APOO: variants seen among roughly 807,000 people sequenced by gnomAD.
APOO encodes the protein apolipoprotein O.
APOO carries 11 observed loss-of-function variants against 23.1 expected under a neutral mutation model. The ratio of observed to expected loss-of-function variants is 0.48; its 90% CI spans 0.30 to 0.79. The LOEUF is 0.79. Ranked by LOEUF, APOO falls within the 30% of genes least tolerant of loss-of-function variation. The probability of loss-of-function intolerance (pLI) is 0.07; values close to 1 mark genes in which losing one functional copy is unlikely to be tolerated. For synonymous variants in APOO, 59 were observed against 54.8 expected (o/e 1.08, Z -0.34); for missense variants, 160 against 142.7 (o/e 1.12, Z -0.62).
chrX:23,843,260 G>A (rs1393759740), intron 7 of APOO, among the ~76,000 whole-genome samples: 1 of 111,061 alleles, frequency 9.0e-6, no homozygotes, highest in Non-Finnish European at 1.9e-5. Context: ...TTTGTTGCTA[G>A]GAAAATTTTC....
intron 4 of APOO, among the ~76,000 whole-genome samples, chrX:23,870,984 G>A (rs747157016): frequency 9.1e-6 from 1 of 109,998 alleles, no homozygotes; most frequent in African/African-American, 3.3e-5. Context: ...AGCTACTCAG[G>A]AGGCTGAGGC....
chrX:23,906,424 G>A (rs1371158256), intron 1 of APOO, among the ~76,000 whole-genome samples: 1 of 112,231 alleles, frequency 8.9e-6, no homozygotes, highest in Admixed American at 9.4e-5. Context: ...CAGATCCTTT[G>A]AGGAGCTGAG....
intron 5 of APOO, among the ~76,000 whole-genome samples, chrX:23,861,850 T>C (rs1396173168): frequency 1.9e-5 from 2 of 102,790 alleles, no homozygotes; most frequent in African/African-American, 3.6e-5. Flanking sequence ...GTTGCTCAGG[T>C]TGGAGTGCAG....
intron 1 of APOO, among the ~76,000 whole-genome samples, chrX:23,889,108 T>C (rs1041595644): frequency 9.1e-6 from 1 of 110,059 alleles, no homozygotes; most frequent in Non-Finnish European, 1.9e-5. Flanking sequence ...CGTCACTGCA[T>C]TCCAGCCTGA....
intron 7 of APOO, among the ~76,000 whole-genome samples, chrX:23,849,609 A>AAAAAAAAAAAAAAAAAAAAAAAG (rs1311653969): frequency 1.1e-5 from 1 of 94,474 alleles, no homozygotes; most frequent in Non-Finnish European, 2.0e-5. Flanking sequence ...AAAAAAAAAA[A>AAAAAAAAAAAAAAAAAAAAAAAG]GTTCGGGCAT....
chrX:23,907,717 A>G lies in APOO; in HGVS notation c.-15T>C, dbSNP rs5970618. ...ACCTTGAACATGTCGCTGGCAGCGG[A>G]GGCTCCGGCAGGGTCACCCCGGCCT... On this transcript the variant is annotated 5_prime_UTR_variant, in exon 1 of 9. Transcript: ENST00000379226. 1 of 1,159,315 alleles carries G rather than the reference A, an allele frequency of 8.6e-7. No individual in the cohort carries two copies. The highest frequency in any genetic ancestry group is 1.1e-6 in the Non-Finnish European group (1 of 870,093).
rs1031916462 is a variant in APOO, at chrX:23,898,571, G to A, written c.9+9123C>T. On this transcript the variant is annotated intron_variant, in intron 1 of 8. Coordinates refer to ENST00000379226, the MANE Select transcript of APOO (RefSeq NM_024122.5). ...AAAAATCATGTACAAGACTCAATTC[G>A]GTTGATAACCATCTGACCTCATAAT... Among the ~76,000 whole-genome samples, 15 of 111,469 alleles carry A rather than the reference G, an allele frequency of 1.3e-4. No homozygotes were observed. In the East Asian group the frequency reaches 1.7e-3, roughly 12 times the overall value.
In APOO at chrX:23,887,539, A is replaced by G. The variant is rs376566221; in HGVS notation, c.10-6587T>C. 4.6e-5 allele frequency among the ~76,000 whole-genome samples: 5 copies of G among 109,757 alleles called. No individual in the cohort carries two copies. The East Asian group carries it at 8.6e-4, about 19-fold the overall frequency. On this transcript the variant is annotated intron_variant, in intron 1 of 8. Transcript: ENST00000379226. ...GAGCCACTGTGCCCGGCCTCCCCCAAACTTTTTCTGATGCAGGGCTGTAAT... is the reference window on the plus strand; with the variant it reads ...GAGCCACTGTGCCCGGCCTCCCCCAGACTTTTTCTGATGCAGGGCTGTAAT...
intron 7 of APOO, among the ~76,000 whole-genome samples, chrX:23,842,611 G>C (rs931166950): frequency 8.9e-6 from 1 of 111,976 alleles, no homozygotes; most frequent in Non-Finnish European, 1.9e-5. Context: ...CTACTGAAAT[G>C]TCTGGGTCCC....
chrX:23,882,829 T>C (rs1376710012), intron 1 of APOO, among the ~76,000 whole-genome samples: 1 of 110,764 alleles, frequency 9.0e-6, no homozygotes, highest in African/African-American at 3.3e-5. Flanking sequence ...GTAATTTTTG[T>C]AGAGACAGGG....
intron 1 of APOO, among the ~76,000 whole-genome samples, chrX:23,888,370 T>G (rs749159432): frequency 9.0e-6 from 1 of 111,626 alleles, no homozygotes; most frequent in Non-Finnish European, 1.9e-5. Context: ...TATATAACAA[T>G]TAGAAGAGGT....
intron 1 of APOO, among the ~76,000 whole-genome samples, chrX:23,903,356 C>T (rs1395993972): frequency 1.9e-5 from 2 of 105,117 alleles, no homozygotes; most frequent in East Asian, 2.9e-4. Context: ...CGTGATAGAG[C>T]GAGACTCCAT....
intron 7 of APOO, among the ~76,000 whole-genome samples, chrX:23,855,897 G>C (rs1924761330): frequency 8.9e-6 from 1 of 112,057 alleles, no homozygotes; most frequent in African/African-American, 3.2e-5. Context: ...GGAAAGAACA[G>C]AACTCATGAT....
At position 23,889,923 on chromosome X, in the gene APOO, A is replaced by G. The variant is rs1315140678; in HGVS notation, c.10-8971T>C. Among the ~76,000 whole-genome samples, 3 of 110,215 alleles carry G rather than the reference A, an allele frequency of 2.7e-5. No individual in the cohort carries two copies. The East Asian group carries it at 8.5e-4, about 31-fold the overall frequency. ...TGATCCGCCCACCTCGGCCTCCCAAAGTGCTGGGATTACAGGCGTCAGCCA... is the reference window on the plus strand; with the variant it reads ...TGATCCGCCCACCTCGGCCTCCCAAGGTGCTGGGATTACAGGCGTCAGCCA... On this transcript the variant is annotated intron_variant, in intron 1 of 8. Transcript: ENST00000379226.
intron 5 of APOO, among the ~76,000 whole-genome samples, chrX:23,860,929 C>T (rs7054739): frequency 0.48 from 52,114 of 107,774 alleles, 11,883 homozygotes; most frequent in African/African-American, 0.86. Context: ...TGATTGAGCC[C>T]AGGAGTTTGA....
intron 4 of APOO, among the ~76,000 whole-genome samples, chrX:23,871,307 G>A (rs1925610303): frequency 9.8e-6 from 1 of 102,020 alleles, no homozygotes; most frequent in African/African-American, 3.6e-5. Context: ...AGCTTGTAGT[G>A]AGCCGAGACC....
intron 4 of APOO, among the ~76,000 whole-genome samples, chrX:23,871,692 G>A (rs371208458): frequency 2.7e-4 from 30 of 111,475 alleles, no homozygotes; most frequent in African/African-American, 8.5e-4. Context: ...TTCAATAATG[G>A]TCTGTGATTA....
At position 23,896,129 on chromosome X, in the gene APOO, G is replaced by A. The variant is rs188068853; in HGVS notation, c.9+11565C>T. Among the ~76,000 whole-genome samples, 127 of 110,046 alleles carry A rather than the reference G, an allele frequency of 1.2e-3. 1 individual carries two copies. Among genetic ancestry groups the A allele is most frequent in the African/African-American group, 3.9e-3 (117 of 30,275 alleles). ...CTAAAAACACAAAAATTAGCCGGAC[G>A]TGGTGGTGCACGCCTGTAATCCCAG... is the stretch of plus-strand genomic sequence containing the variant. On this transcript the variant is annotated intron_variant, in intron 1 of 8. Transcript: ENST00000379226.
intron 1 of APOO, among the ~76,000 whole-genome samples, chrX:23,905,752 T>C (rs1351615329): frequency 8.9e-6 from 1 of 112,664 alleles, no homozygotes. Flanking sequence ...ATAAGCAGTA[T>C]GTGCTTCTTT....
Sources: gnomAD v4.1 joint callset for allele counts (sites outside exome capture counted in the v4.1 genomes callset) on GRCh38, gnomAD v4.1.1 for gene constraint, MANE v1.5 for transcripts, NCBI Gene and HGNC (gene_info 2026-07-23, HGNC 2026-07-21) for gene names.